GCSAML: variants seen among roughly 807,000 people sequenced by gnomAD.
GCSAML encodes the protein germinal center-associated signaling and motility-like protein.
GCSAML carries 9 observed loss-of-function variants against 13.0 expected under a neutral mutation model. The observed-to-expected ratio is 0.69, with a 90% CI of 0.42 to 1.21. The LOEUF is 1.21. Ranked by LOEUF, GCSAML falls within the 50% of genes most tolerant of loss-of-function variation. The pLI, the probability that GCSAML is intolerant of heterozygous loss-of-function variation, is 0.00. For synonymous variants in GCSAML, 37 were observed against 52.9 expected (o/e 0.70, Z 1.31); for missense variants, 143 against 153.4 (o/e 0.93, Z 0.36).
At chr1:247,513,978 C>G (rs1025328712) in intron 1 of GCSAML, among the ~76,000 whole-genome samples, 3 of 151,886 alleles carry the variant, frequency 2.0e-5, no homozygotes, top group East Asian at 1.9e-4. Flanking sequence ...CAGCCACAAC[C>G]CCCCCACCGC....
At position 247,574,518 on chromosome 1, in the gene GCSAML, A is replaced by G. The variant is rs949986062; in HGVS notation, c.*136A>G. 7 of 929,464 alleles carry G rather than the reference A, an allele frequency of 7.5e-6. No homozygotes were observed. The highest frequency in any genetic ancestry group is 1.1e-5 in the Non-Finnish European group (7 of 629,466). 57.6% of individuals were successfully genotyped at this position (929,464 alleles called of 1,614,324 possible). On this transcript the variant is annotated 3_prime_UTR_variant, in exon 5 of 5. Coordinates refer to ENST00000366488, the MANE Select transcript of GCSAML (RefSeq NM_145278.5). ...GTTTAGAAATATTATCTTATTATATATCCTTAGGCAACTCTGATATGTGGC... is the reference window on the plus strand; with the variant it reads ...GTTTAGAAATATTATCTTATTATATGTCCTTAGGCAACTCTGATATGTGGC...
intron 3 of GCSAML, among the ~76,000 whole-genome samples, chr1:247,565,112 C>A (rs1412125930): frequency 6.6e-6 from 1 of 152,146 alleles, no homozygotes; most frequent in Non-Finnish European, 1.5e-5. Context: ...GTAATCCCAG[C>A]ACTTTGGGAG....
At chr1:247,507,802 G>C (rs1665881879) in intron 1 of GCSAML, among the ~76,000 whole-genome samples, 2 of 152,122 alleles carry the variant, frequency 1.3e-5, no homozygotes, top group Non-Finnish European at 2.9e-5. Context: ...TGCTGATAAT[G>C]ATGGTTTCCA....
chr1:247,562,824 TA>T (rs1010314249), intron 2 of GCSAML, among the ~76,000 whole-genome samples: 1 of 144,278 alleles, frequency 6.9e-6, no homozygotes, highest in African/African-American at 2.4e-5. Context: ...GGCCCACACT[TA>T]TTTTTTTTTT....
chr1:247,558,694 G>C (rs901495274), intron 2 of GCSAML, among the ~76,000 whole-genome samples: 1 of 151,888 alleles, frequency 6.6e-6, no homozygotes, highest in African/African-American at 2.4e-5. Flanking sequence ...CAATAATTTT[G>C]TTCTCAACTT....
intron 2 of GCSAML, among the ~76,000 whole-genome samples, chr1:247,557,827 T>G (rs1668005419): frequency 6.6e-6 from 1 of 152,196 alleles, no homozygotes; most frequent in Non-Finnish European, 1.5e-5. Context: ...CCAAGGTTCT[T>G]TTATCAGCTG....
At chr1:247,547,191 T>C (rs145779033), upstream of GCSAML, among the ~76,000 whole-genome samples, 1 of 152,328 alleles carries the variant, frequency 6.6e-6, no homozygotes, top group Non-Finnish European at 1.5e-5. Context: ...TTTTTTCTTA[T>C]TTGTACTTAA....
At chr1:247,547,582 G>T (rs942643764), upstream of GCSAML, among the ~76,000 whole-genome samples, 2 of 152,230 alleles carry the variant, frequency 1.3e-5, no homozygotes, top group African/African-American at 4.8e-5. Context: ...TCAAATTTTA[G>T]TAGGGAACAG....
intron 2 of GCSAML, among the ~76,000 whole-genome samples, chr1:247,539,483 G>T (rs1194352041): frequency 6.6e-6 from 1 of 152,162 alleles, no homozygotes; most frequent in African/African-American, 2.4e-5. Flanking sequence ...ATACATGAGA[G>T]ATGTTATCTC....
chr1:247,530,517 T>TCA (rs375757540), intron 2 of GCSAML: 1 of 134,022 alleles, frequency 7.5e-6, no homozygotes, highest in African/African-American at 2.7e-5. Context: ...CACCATGCCA[T>TCA]CCCCCCCCCA....
At chr1:247,559,023 G>A (rs187730551) in intron 2 of GCSAML, among the ~76,000 whole-genome samples, 119 of 152,184 alleles carry the variant, frequency 7.8e-4, no homozygotes, top group Admixed American at 7.2e-4. Flanking sequence ...TTCTTCATAT[G>A]CAAAATAGCC....
At chr1:247,533,023 T>A (rs973968196) in intron 2 of GCSAML, among the ~76,000 whole-genome samples, 2 of 152,186 alleles carry the variant, frequency 1.3e-5, no homozygotes, top group African/African-American at 4.8e-5. Context: ...TGGTCATTCA[T>A]GTGATGAACC....
rs574443936 is a variant in GCSAML, at chr1:247,521,726, G to A, written c.-262-5214G>A. 1.7e-4 allele frequency among the ~76,000 whole-genome samples: 26 copies of A among 152,308 alleles called. No individual in the cohort carries two copies. In the South Asian group the frequency reaches 4.8e-3, roughly 28 times the overall value. ...GAGCGCAGTGGCATGATCTCAGCTCGCTACAACCTCCACCTCCCAGCCGCC... is the reference window on the plus strand; with the variant it reads ...GAGCGCAGTGGCATGATCTCAGCTCACTACAACCTCCACCTCCCAGCCGCC... On this transcript the variant is annotated intron_variant, in intron 1 of 5. Coordinates refer to the GCSAML transcript ENST00000366489.
At chr1:247,553,921 A>C (rs939485181) in intron 1 of GCSAML, among the ~76,000 whole-genome samples, 2 of 152,246 alleles carry the variant, frequency 1.3e-5, no homozygotes, top group Non-Finnish European at 2.9e-5. Flanking sequence ...TTTCTGGGAT[A>C]AAACCCATTT....
intron 2 of GCSAML, chr1:247,530,412 A>G (rs1236627390): frequency 3.3e-5 from 5 of 152,136 alleles, no homozygotes; most frequent in Non-Finnish European, 5.9e-5. Context: ...GCACAATCAT[A>G]AGAAACAATG....
intron 2 of GCSAML, chr1:247,530,251 A>T (rs1666865190): frequency 6.6e-6 from 1 of 152,212 alleles, no homozygotes; most frequent in Non-Finnish European, 1.5e-5. Context: ...CATCAGGCAG[A>T]GAATGAGGTT....
At chr1:247,563,441 G>A (rs1668212804) in intron 2 of GCSAML, 149 bp from the exon 3 acceptor site, 2 of 518,778 alleles carry the variant, frequency 3.9e-6, no homozygotes, top group South Asian at 7.0e-5. Flanking sequence ...AAAAAAGGCT[G>A]GAGTAAGCAG....
At position 247,521,793 on chromosome 1, in the gene GCSAML, G is replaced by T. The variant is rs563480300; in HGVS notation, c.-262-5147G>T. 1.1e-4 allele frequency among the ~76,000 whole-genome samples: 17 copies of T among 151,956 alleles called. No homozygotes were observed. In the East Asian group the frequency reaches 1.7e-3, roughly 16 times the overall value. Reference sequence around the variant, plus strand: ...AGTGCCGAGATTGCAGCCTCTGCCTGGCCACCACCCCGTCTGGGAAGTGAG... The same window carrying T: ...AGTGCCGAGATTGCAGCCTCTGCCTTGCCACCACCCCGTCTGGGAAGTGAG... On this transcript the variant is annotated intron_variant, in intron 1 of 5. Coordinates refer to the GCSAML transcript ENST00000366489.
upstream of GCSAML, chr1:247,548,922 C>A: frequency 6.5e-6 from 4 of 611,752 alleles, no homozygotes; most frequent in South Asian, 2.7e-5. This position sits in a 1 kb window ranked among gnomAD's most constrained non-coding sequence, Gnocchi z 5.3. Context: ...GATTTTTTCC[C>A]ACTGTATGCC....
Sources: allele counts gnomAD v4.1 joint callset (sites outside exome capture counted in the v4.1 genomes callset), GRCh38; gene constraint gnomAD v4.1.1; non-coding constraint Gnocchi (gnomAD v3.1); transcripts MANE v1.5; gene names NCBI Gene and HGNC (gene_info 2026-07-23, HGNC 2026-07-21).